Variants in DHX35 observed in about 807,000 individuals in gnomAD.
The protein encoded by DHX35 is DEAH-box helicase 35.
Under a neutral mutation model 99.6 loss-of-function variants are expected in DHX35, and 84 were observed. That is an observed-to-expected ratio of 0.84 (90% CI 0.71 to 1.01). The LOEUF (loss-of-function observed/expected upper bound fraction) is 1.01. DHX35 is among the 50% of genes least tolerant of loss of function. The pLI is 0.00. For missense variants in DHX35, 852 were observed against 888.5 expected (o/e 0.96, Z 0.52); for synonymous variants, 331 against 316.2 (o/e 1.05, Z -0.50).
chr20:38,993,075 G>C (rs2086366247), intron 7 of DHX35, among the ~76,000 whole-genome samples: 1 of 152,036 alleles, frequency 6.6e-6, no homozygotes, highest in African/African-American at 2.4e-5. Flanking sequence ...TTTTCTGATT[G>C]TTTTCTTTGG....
chr20:39,020,374 G>A (rs914039554), intron 15 of DHX35, among the ~76,000 whole-genome samples: 1 of 152,198 alleles, frequency 6.6e-6, no homozygotes, highest in African/African-American at 2.4e-5. Flanking sequence ...AGCAGTACAC[G>A]AGGGTTCCAA....
At chr20:39,022,356 A>G (rs2086887236) in intron 16 of DHX35, among the ~76,000 whole-genome samples, 2 of 152,048 alleles carry the variant, frequency 1.3e-5, no homozygotes, top group African/African-American at 2.4e-5. Flanking sequence ...ATGGGGTTTC[A>G]CCATATTGGC....
At chr20:39,038,292 G>A (rs993941416) in intron 21 of DHX35, among the ~76,000 whole-genome samples, 4 of 152,202 alleles carry the variant, frequency 2.6e-5, no homozygotes, top group Admixed American at 6.5e-5. Flanking sequence ...CTTGGGCCTC[G>A]GGTTGCTGGC....
intron 3 of DHX35, among the ~76,000 whole-genome samples, chr20:38,981,133 T>G (rs914563883): frequency 6.6e-6 from 1 of 152,242 alleles, no homozygotes; most frequent in Non-Finnish European, 1.5e-5. Flanking sequence ...GGTCACTTGG[T>G]TAAGGTTCCA....
At chr20:39,025,469 C>A in intron 18 of DHX35, 110 bp downstream of exon 18, 1 of 1,297,304 alleles carries the variant, frequency 7.7e-7, no homozygotes, top group Non-Finnish European at 1.0e-6. Context: ...TGCTCTGTAC[C>A]AACACTGGGT....
chr20:39,027,214 T>C (rs2086971106), intron 18 of DHX35, among the ~76,000 whole-genome samples: 1 of 152,230 alleles, frequency 6.6e-6, no homozygotes, highest in South Asian at 2.1e-4. Context: ...TTTAGACATG[T>C]AGATTTGAGA....
At chr20:39,019,618 G>C (rs7262876) in intron 15 of DHX35, among the ~76,000 whole-genome samples, 55,959 of 152,004 alleles carry the variant, frequency 0.37, 10,720 homozygotes, top group Middle Eastern at 0.52. Context: ...TTATGAGATA[G>C]AGTGTGATGT....
intron 19 of DHX35, chr20:39,029,745 C>T (rs1235825692): frequency 3.3e-5 from 5 of 152,086 alleles, no homozygotes; most frequent in Non-Finnish European, 2.9e-5. Flanking sequence ...TCCTTAGCAA[C>T]AATGTGGGCT....
intron 8 of DHX35, among the ~76,000 whole-genome samples, chr20:38,997,960 C>G (rs1335748013): frequency 6.6e-6 from 1 of 152,164 alleles, no homozygotes; most frequent in Non-Finnish European, 1.5e-5. Context: ...AGAGCTAGGG[C>G]TGCTGATAGG....
chr20:39,037,989 T>C (rs935230891), intron 21 of DHX35, among the ~76,000 whole-genome samples: 2 of 152,210 alleles, frequency 1.3e-5, no homozygotes, highest in African/African-American at 4.8e-5. Flanking sequence ...ACCCTCCATG[T>C]GGGCAGAGGC....
At chr20:39,026,882 C>A (rs1045585342) in intron 18 of DHX35, among the ~76,000 whole-genome samples, 1 of 152,192 alleles carries the variant, frequency 6.6e-6, no homozygotes, top group Non-Finnish European at 1.5e-5. Flanking sequence ...TGTCACCCAG[C>A]AGGTAGATGA....
At chr20:39,005,184 G>A (rs971928674) in intron 11 of DHX35, among the ~76,000 whole-genome samples, 1 of 152,106 alleles carries the variant, frequency 6.6e-6, no homozygotes, top group African/African-American at 2.4e-5. Context: ...TAAAGTGCCT[G>A]AAAAAAGTTC....
chr20:38,981,732 C>CA (rs2086176483), intron 3 of DHX35, among the ~76,000 whole-genome samples: 1 of 152,026 alleles, frequency 6.6e-6, no homozygotes, highest in African/African-American at 2.4e-5. Context: ...CACCTGAGGT[C>CA]AGGAGTTTGA....
intron 1 of DHX35, among the ~76,000 whole-genome samples, chr20:38,966,598 G>A (rs1183868674): frequency 6.6e-6 from 1 of 152,218 alleles, no homozygotes; most frequent in East Asian, 1.9e-4. Flanking sequence ...GAACCTGGAA[G>A]GCGGAGGTTG....
At chr20:38,978,091 A>G (rs2086110625) in intron 3 of DHX35, 3 of 762,518 alleles carry the variant, frequency 3.9e-6, no homozygotes, top group East Asian at 2.5e-5. Flanking sequence ...CTGTCCACTA[A>G]TATGCACTGG....
At chr20:38,979,330 A>C (rs2086134429) in intron 3 of DHX35, among the ~76,000 whole-genome samples, 1 of 152,206 alleles carries the variant, frequency 6.6e-6, no homozygotes, top group Non-Finnish European at 1.5e-5. Context: ...GAATAAATAA[A>C]ATACTTATGG....
Position 39,018,909 on chromosome 20 carries a change from G to A in DHX35, c.1498+10G>A. The A allele has an allele frequency of 6.2e-7, 1 of 1,612,714 alleles. No homozygotes were observed. The highest frequency in any genetic ancestry group is 8.5e-7 in the Non-Finnish European group (1 of 1,178,884). ...ATGCTGCTTGAATCAGGTGGGTAGA[G>A]CCTGATAGCTTGAATTGATTTTATT... is the stretch of plus-strand genomic sequence containing the variant. On this transcript the variant is annotated intron_variant, in intron 15 of 21. Coordinates refer to ENST00000252011, the MANE Select transcript of DHX35 (RefSeq NM_021931.4).
At chr20:38,977,481 A>G (rs945511965) in intron 3 of DHX35, among the ~76,000 whole-genome samples, 4 of 152,066 alleles carry the variant, frequency 2.6e-5, no homozygotes, top group African/African-American at 9.7e-5. Context: ...TTTATTTTAC[A>G]TATTTTTGTC....
At chr20:38,998,417 C>T (rs890757929) in intron 8 of DHX35, among the ~76,000 whole-genome samples, 1 of 152,162 alleles carries the variant, frequency 6.6e-6, no homozygotes, top group Admixed American at 6.5e-5. Flanking sequence ...GTTGGGTAGA[C>T]ATAGCTGCTT....
Sources: allele counts gnomAD v4.1 joint callset (sites outside exome capture counted in the v4.1 genomes callset), GRCh38; gene constraint gnomAD v4.1.1; transcripts MANE v1.5; gene names NCBI Gene and HGNC (gene_info 2026-07-23, HGNC 2026-07-21).